Variants in KCNH8 observed in about 807,000 individuals in gnomAD.
KCNH8 encodes potassium voltage-gated channel subfamily H member 8.
Under a neutral mutation model 103.6 loss-of-function variants are expected in KCNH8, and 70 were observed. That is an observed-to-expected ratio of 0.68 (90% CI 0.56 to 0.82). The LOEUF is 0.82. KCNH8 is among the 40% of genes least tolerant of loss of function. The probability of loss-of-function intolerance (pLI) is 0.00; values close to 1 mark genes in which losing one functional copy is unlikely to be tolerated. For synonymous variants in KCNH8, 498 were observed against 489.4 expected (o/e 1.02, Z -0.23); for missense variants, 1,217 against 1,329.9 (o/e 0.92, Z 1.32).
intron 3 of KCNH8, among the ~76,000 whole-genome samples, chr3:19,308,363 A>T (rs2065157138): frequency 6.6e-6 from 1 of 151,562 alleles, no homozygotes; most frequent in Non-Finnish European, 1.5e-5. Context: ...TGTGCATAGT[A>T]CCTTTAAATT....
intron 5 of KCNH8, among the ~76,000 whole-genome samples, chr3:19,379,360 G>T (rs1339233662): frequency 1.3e-5 from 2 of 152,156 alleles, no homozygotes; most frequent in Non-Finnish European, 2.9e-5. Flanking sequence ...TAAATAAGAA[G>T]GCCGGGCCCA....
chr3:19,517,912 A>C, intron 14 of KCNH8, 86 bp from the exon 15 acceptor site: 2 of 1,045,062 alleles, frequency 1.9e-6, no homozygotes, highest in Non-Finnish European at 1.5e-6. Flanking sequence ...GATAGCGTGG[A>C]CTTTCTTTCA....
At chr3:19,505,325 G>A (rs1042276598) in intron 11 of KCNH8, among the ~76,000 whole-genome samples, 18 of 151,920 alleles carry the variant, frequency 1.2e-4, no homozygotes, top group Non-Finnish European at 1.6e-4. Flanking sequence ...GTTGGAGGAG[G>A]GAGAGGATCA....
At chr3:19,336,505 A>G (rs2065587648) in intron 3 of KCNH8, among the ~76,000 whole-genome samples, 2 of 151,876 alleles carry the variant, frequency 1.3e-5, no homozygotes, top group African/African-American at 4.8e-5. Context: ...TACCATAGAT[A>G]TTCATTAATT....
chr3:19,521,113 G>A lies in KCNH8; in HGVS notation c.2619+3039G>A, dbSNP rs564303250. ...CACAATAGGGCCATGGGCTGTGTAA[G>A]TCAAATGCTCCACTTCTGAAAAGGT... On this transcript the variant is annotated intron_variant, in intron 15 of 15. Coordinates refer to ENST00000328405, the MANE Select transcript of KCNH8 (RefSeq NM_144633.3). 6.0e-4 allele frequency among the ~76,000 whole-genome samples: 91 copies of A among 152,056 alleles called. 1 individual carries two copies. Among genetic ancestry groups the A allele is most frequent in the Admixed American group, 5.9e-3 (90 of 15,238 alleles).
intron 3 of KCNH8, among the ~76,000 whole-genome samples, chr3:19,289,339 C>T (rs1263205965): frequency 6.6e-6 from 1 of 152,050 alleles, no homozygotes; most frequent in Non-Finnish European, 1.5e-5. Flanking sequence ...AGGTTTTCTT[C>T]TAGGGTTTTT....
intron 1 of KCNH8, among the ~76,000 whole-genome samples, chr3:19,149,742 T>C (rs754881416): frequency 6.6e-5 from 10 of 152,226 alleles, no homozygotes; most frequent in Non-Finnish European, 1.2e-4. Context: ...ATCTTCTTTC[T>C]AGCTTATCTT....
intron 7 of KCNH8, among the ~76,000 whole-genome samples, chr3:19,398,929 G>A (rs1185719468): frequency 6.6e-6 from 1 of 151,930 alleles, no homozygotes; most frequent in East Asian, 1.9e-4. Context: ...GTTTAGTTTG[G>A]TGCTGGACAA....
At chr3:19,152,184 C>A (rs2063137213) in intron 1 of KCNH8, among the ~76,000 whole-genome samples, 1 of 152,030 alleles carries the variant, frequency 6.6e-6, no homozygotes, top group South Asian at 2.1e-4. Context: ...TTAAGAAAAT[C>A]TTTTCTGTTT....
chr3:19,449,391 G>A (rs1278194072), intron 8 of KCNH8, among the ~76,000 whole-genome samples: 2 of 151,080 alleles, frequency 1.3e-5, no homozygotes, highest in African/African-American at 2.4e-5. Flanking sequence ...GAATTCATTT[G>A]TTTCTTGAAT....
intron 1 of KCNH8, among the ~76,000 whole-genome samples, chr3:19,207,189 C>A (rs2063726062): frequency 6.6e-6 from 1 of 151,790 alleles, no homozygotes; most frequent in South Asian, 2.1e-4. Flanking sequence ...AGAAACTTAT[C>A]AAAGATAATG....
At chr3:19,171,488 C>A (rs762579332) in intron 1 of KCNH8, among the ~76,000 whole-genome samples, 2 of 152,062 alleles carry the variant, frequency 1.3e-5, no homozygotes, top group African/African-American at 4.8e-5. Flanking sequence ...AAGTTGTCAT[C>A]TTTTAAGGGT....
In KCNH8 at chr3:19,510,422, C is replaced by A. The variant is rs192900887; in HGVS notation, c.2079+21C>A. The stretch of plus-strand genomic sequence containing the variant: ...CACAGGTATGGCTTTTGCTACACAG[C>A]AAAATATTTATCTAAAATCTGGAGG... On this transcript the variant is annotated intron_variant, in intron 12 of 15. Transcript: ENST00000328405. 2.1e-5 allele frequency: 30 copies of A among 1,450,276 alleles called. No individual in the cohort carries two copies. In the Middle Eastern group the frequency reaches 6.9e-4, roughly 34 times the overall value. The allele number at this position is 1,450,276 out of a possible 1,614,324, so 89.8% of individuals were successfully genotyped here.
At chr3:19,466,064 A>C (rs2067729404) in intron 11 of KCNH8, among the ~76,000 whole-genome samples, 1 of 151,792 alleles carries the variant, frequency 6.6e-6, no homozygotes, top group Non-Finnish European at 1.5e-5. Flanking sequence ...CCTCCCATGC[A>C]CGGGCATGCA....
chr3:19,391,601 A>G (rs2125131508), intron 6 of KCNH8: 1 of 152,188 alleles, frequency 6.6e-6, no homozygotes, highest in African/African-American at 2.4e-5. Flanking sequence ...CAGAATGAAT[A>G]TGGAATTGTG....
At position 19,340,448 on chromosome 3, in the gene KCNH8, C is replaced by T. The variant is rs539609610; in HGVS notation, c.443-2139C>T. The stretch of plus-strand genomic sequence containing the variant: ...TATGTATACATGTGCCATGCTGGTG[C>T]GCTGCACCCACTAACGTGTCATCTA... On this transcript the variant is annotated intron_variant, in intron 3 of 15. Coordinates refer to ENST00000328405, the MANE Select transcript of KCNH8 (RefSeq NM_144633.3). 5.6e-4 allele frequency among the ~76,000 whole-genome samples: 84 copies of T among 150,056 alleles called. No homozygotes were observed. In the South Asian group the frequency reaches 0.014, roughly 24 times the overall value.
chr3:19,351,654 G>T (rs1255783496), intron 5 of KCNH8, among the ~76,000 whole-genome samples: 1 of 152,112 alleles, frequency 6.6e-6, no homozygotes, highest in African/African-American at 2.4e-5. Context: ...AAGTGAAGGA[G>T]AAATAAAATC....
chr3:19,313,764 T>A (rs2065237622), intron 3 of KCNH8, among the ~76,000 whole-genome samples: 1 of 151,444 alleles, frequency 6.6e-6, no homozygotes, highest in African/African-American at 2.4e-5. Context: ...GTGTCATGCA[T>A]AAGATTATAG....
intron 15 of KCNH8, among the ~76,000 whole-genome samples, chr3:19,530,500 G>A (rs1405995857): frequency 6.6e-6 from 1 of 152,010 alleles, no homozygotes; most frequent in Non-Finnish European, 1.5e-5. Flanking sequence ...TGTTTATTTT[G>A]AAAACTAGAA....
Sources: allele counts gnomAD v4.1 joint callset (sites outside exome capture counted in the v4.1 genomes callset), GRCh38; gene constraint gnomAD v4.1.1; transcripts MANE v1.5; gene names NCBI Gene and HGNC (gene_info 2026-07-23, HGNC 2026-07-21).